Variants in CFAP57 observed in about 807,000 individuals in gnomAD.
CFAP57 encodes the protein cilia- and flagella-associated protein 57.
CFAP57 carries 116 observed loss-of-function variants against 146.8 expected under a neutral mutation model. The observed-to-expected ratio is 0.79, with a 90% confidence interval of 0.68 to 0.92. The LOEUF is 0.92. Ranked by LOEUF, CFAP57 falls within the 40% of genes least tolerant of loss-of-function variation. CFAP57 has a pLI of 0.00. For missense variants in CFAP57, 1,377 were observed against 1,527.2 expected (o/e 0.90, Z 1.64); for synonymous variants, 518 against 552.8 (o/e 0.94, Z 0.88).
chr1:43,227,147 C>T (rs755380217), intron 18 of CFAP57, 21 bp downstream of exon 18: 14 of 1,508,978 alleles, frequency 9.3e-6, no homozygotes, highest in Admixed American at 7.0e-5. Flanking sequence ...ATTTGCAACA[C>T]TCTGGCCTCT....
chr1:43,241,891 G>A lies in CFAP57; in HGVS notation c.3406-1336G>A, dbSNP rs191654642. Among the ~76,000 whole-genome samples, 399 of 152,292 alleles carry A rather than the reference G, an allele frequency of 2.6e-3. 2 individuals are homozygous for A. Among genetic ancestry groups the A allele is most frequent in the South Asian group, 0.014 (67 of 4,818 alleles). On this transcript the variant is annotated intron_variant, in intron 21 of 22. Coordinates refer to ENST00000372492, the MANE Select transcript of CFAP57 (RefSeq NM_001378189.1). ...AGTGGCCAGTCTCTTTGGGCCCTTGGGGATGGGGCTCCTCCTTGGGGTACT... is the reference window on the plus strand; with the variant it reads ...AGTGGCCAGTCTCTTTGGGCCCTTGAGGATGGGGCTCCTCCTTGGGGTACT...
chr1:43,253,402 G>A (rs1646369213), intron 22 of CFAP57, among the ~76,000 whole-genome samples: 1 of 152,190 alleles, frequency 6.6e-6, no homozygotes, highest in Non-Finnish European at 1.5e-5. Context: ...TGGAGGCCAA[G>A]GTCACTAATG....
At chr1:43,223,207 C>A (rs1645117818) in intron 16 of CFAP57, among the ~76,000 whole-genome samples, 1 of 152,228 alleles carries the variant, frequency 6.6e-6, no homozygotes, top group South Asian at 2.1e-4. Context: ...GCACGGGCTT[C>A]CCTGCTCTCC....
intron 18 of CFAP57, chr1:43,232,083 G>A: frequency 1.4e-6 from 1 of 701,622 alleles, no homozygotes; most frequent in Middle Eastern, 2.3e-4. Context: ...CCATTCTAAA[G>A]TGGCCCCAGA....
chr1:43,202,902 A>G (rs1294317596), intron 9 of CFAP57, among the ~76,000 whole-genome samples: 1 of 152,038 alleles, frequency 6.6e-6, no homozygotes. Flanking sequence ...GGCTGGGCGC[A>G]GTGGCTCACA....
intron 22 of CFAP57, among the ~76,000 whole-genome samples, 172 bp from the exon 23 acceptor site, chr1:43,253,805 A>G (rs1464391301): frequency 1.3e-5 from 2 of 152,084 alleles, no homozygotes; most frequent in Non-Finnish European, 2.9e-5. Flanking sequence ...TCACTTCTCC[A>G]TCTCTCTGCG....
intron 9 of CFAP57, among the ~76,000 whole-genome samples, chr1:43,205,071 G>C (rs955199845): frequency 2.0e-5 from 3 of 152,116 alleles, no homozygotes; most frequent in African/African-American, 7.2e-5. Context: ...ATCCCACTCT[G>C]ACTGCACCTG....
In CFAP57 at chr1:43,215,219, T is replaced by A. The variant is rs942852454; in HGVS notation, c.1930-36T>A. On this transcript the variant is annotated intron_variant, in intron 11 of 22. Transcript: ENST00000372492. ...GCTCAGCCCTGGTCATCTGTGGCCTTGAAAGCTTCCTGGCCATGACCCTTT... is the reference window on the plus strand; with the variant it reads ...GCTCAGCCCTGGTCATCTGTGGCCTAGAAAGCTTCCTGGCCATGACCCTTT... The A allele has an allele frequency of 4.5e-6, 7 of 1,550,520 alleles. No homozygotes were observed. In the South Asian group the frequency reaches 8.3e-5, roughly 18 times the overall value.
Position 43,197,573 on chromosome 1 carries a change from G to C in CFAP57, c.1143G>C (p.Glu381Asp). 6.2e-7 allele frequency: 1 copy of C among 1,614,066 alleles called. No individual in the cohort carries two copies. Among genetic ancestry groups the C allele is most frequent in the Non-Finnish European group, 8.5e-7 (1 of 1,180,014 alleles). The part of the protein sequence containing the change: ...EISKGEPAHF[E>D]YLMYPLHSAP... ...TCTAGGGGGAGCCTGCTCACTTTGA[G>C]TATTTGATGTATCCATTGCACTCAG... The change falls in exon 7 of 23, where the codon GAG (glutamate) becomes GAC (aspartate). Residue 381 changes from glutamate (E) to aspartate (D), a missense_variant. Physicochemically the swap from Glu to Asp is conservative, Grantham distance 45. Transcript: ENST00000372492.
chr1:43,178,923 G>T (rs781114903), intron 2 of CFAP57, among the ~76,000 whole-genome samples: 2 of 152,084 alleles, frequency 1.3e-5, no homozygotes, highest in Non-Finnish European at 2.9e-5. Flanking sequence ...AAGAAAATGT[G>T]GCACATATAC....
chr1:43,172,407 C>G lies in CFAP57; in HGVS notation c.-66C>G. 3.2e-6 allele frequency: 5 copies of G among 1,551,330 alleles called. No homozygotes were observed. Among genetic ancestry groups the G allele is most frequent in the Non-Finnish European group, 4.4e-6 (5 of 1,146,950 alleles). On this transcript the variant is annotated 5_prime_UTR_variant, in exon 1 of 23. Coordinates refer to ENST00000372492, the MANE Select transcript of CFAP57 (RefSeq NM_001378189.1). ...GGTTGCTTAGGATCCCTACAGGTAG[C>G]GCCTCTGGATACATGCGTGGTCTGC...
intron 12 of CFAP57, among the ~76,000 whole-genome samples, chr1:43,216,573 G>C (rs565788784): frequency 1.3e-5 from 2 of 152,228 alleles, no homozygotes; most frequent in Admixed American, 6.5e-5. Flanking sequence ...CCCCCAGATG[G>C]GCCTGACAGT....
At chr1:43,213,888 CT>C (rs35273028) in intron 11 of CFAP57, among the ~76,000 whole-genome samples, 299 of 139,670 alleles carry the variant, frequency 2.1e-3, no homozygotes, top group African/African-American at 3.7e-3. Context: ...CCTTAGCCCA[CT>C]TTTTTTTTTT....
At chr1:43,219,359 A>T (rs1291736346) in intron 12 of CFAP57, 23 bp from the exon 13 acceptor site, 3 of 1,541,124 alleles carry the variant, frequency 1.9e-6, no homozygotes, top group Non-Finnish European at 2.6e-6. Flanking sequence ...AGTGTTCTTG[A>T]TCCTTCTGTC....
chr1:43,237,637 G>A (rs72891697), intron 21 of CFAP57, among the ~76,000 whole-genome samples: 2,293 of 152,248 alleles, frequency 0.015, 53 homozygotes, highest in African/African-American at 0.051. Context: ...GAGGTTGATC[G>A]TGGAACAAGT....
In CFAP57 at chr1:43,223,011, C is replaced by G. The variant is rs1238146912; in HGVS notation, c.2706+14C>G. On this transcript the variant is annotated intron_variant, in intron 16 of 22. Coordinates refer to ENST00000372492, the MANE Select transcript of CFAP57 (RefSeq NM_001378189.1). The stretch of plus-strand genomic sequence containing the variant: ...ATGAGGAAGAAGGTAGCAGGCTGTT[C>G]TCCAAGAGACCTAGGGTGGGCGAGG... The G allele has an allele frequency of 7.8e-6, 12 of 1,543,364 alleles. No homozygotes were observed. Among genetic ancestry groups the G allele is most frequent in the Middle Eastern group, 1.7e-4 (1 of 5,948 alleles).
rs183035725 is a variant in CFAP57 at position 43,248,830 on chromosome 1, A to G, written c.3539-5147A>G. ...ACTATCAGATATGAGCATTTTATAC[A>G]TGAGAACAATTCCACAACTTTTAGA... On this transcript the variant is annotated intron_variant, in intron 22 of 22. Coordinates refer to ENST00000372492, the MANE Select transcript of CFAP57 (RefSeq NM_001378189.1). Among the ~76,000 whole-genome samples, 478 of 150,356 alleles carry G rather than the reference A, an allele frequency of 3.2e-3. 2 individuals carry two copies. The highest frequency in any genetic ancestry group is 5.2e-3 in the Non-Finnish European group (344 of 66,754).
intron 6 of CFAP57, among the ~76,000 whole-genome samples, chr1:43,191,974 C>G (rs899908255): frequency 5.9e-5 from 9 of 151,890 alleles, no homozygotes; most frequent in Admixed American, 5.9e-4. Context: ...TGGAATTTCT[C>G]TTTTGATTTC....
At position 43,238,263 on chromosome 1, in the gene CFAP57, C is replaced by T. The variant is rs1322805974; in HGVS notation, c.3405+3625C>T. Reference sequence around the variant, plus strand: ...CTGCCATATTCTAAAGGCATCGACTCAGGCCATGCCATTAGGGGGTGCTGT... The same window carrying T: ...CTGCCATATTCTAAAGGCATCGACTTAGGCCATGCCATTAGGGGGTGCTGT... On this transcript the variant is annotated intron_variant, in intron 21 of 22. Transcript: ENST00000372492. This position sits in a 1 kb window ranked among gnomAD's most constrained non-coding sequence, Gnocchi z 4.3. Among the ~76,000 whole-genome samples the T allele has an allele frequency of 6.6e-6, 1 of 152,182 alleles. No homozygotes were observed. Among genetic ancestry groups the T allele is most frequent in the African/African-American group, 2.4e-5 (1 of 41,430 alleles).
Sources: gnomAD v4.1 joint callset for allele counts (sites outside exome capture counted in the v4.1 genomes callset) on GRCh38, gnomAD v4.1.1 for gene constraint, Gnocchi (gnomAD v3.1) non-coding constraint, MANE v1.5 for transcripts, NCBI Gene and HGNC (gene_info 2026-07-23, HGNC 2026-07-21) for gene names.